The following MRNIP variants were observed in gnomAD, a reference collection of about 807,000 sequenced individuals.
The protein encoded by MRNIP is MRN complex-interacting protein.
MRNIP carries 30 observed loss-of-function variants against 29.8 expected under a neutral mutation model. That is an observed-to-expected ratio of 1.01 (90% CI 0.75 to 1.36). The LOEUF is 1.36. Ranked by LOEUF, MRNIP falls within the 40% of genes most tolerant of loss-of-function variation. The pLI, the probability that MRNIP is intolerant of heterozygous loss-of-function variation, is 0.00. For synonymous variants in MRNIP, 201 were observed against 164.1 expected, an observed-to-expected ratio of 1.23 and a Z score of -1.72; for missense variants, 459 against 423.5, an observed-to-expected ratio of 1.08 and a Z score of -0.74.
chr5:179,847,879 C>T, intron 3 of MRNIP, 99 bp downstream of exon 3: 1 of 844,846 alleles, frequency 1.2e-6, no homozygotes. Context: ...GGTCCAGCCA[C>T]AGCAGAGTGC....
intron 3 of MRNIP, chr5:179,847,770 C>T (rs924933324): frequency 1.1e-4 from 57 of 509,778 alleles, no homozygotes; most frequent in African/African-American, 1.6e-4. Context: ...AGAATCTCCT[C>T]GGGTGAAGCT....
intron 4 of MRNIP, among the ~76,000 whole-genome samples, chr5:179,842,789 G>A (rs1274279998): frequency 5.4e-5 from 8 of 149,288 alleles, no homozygotes; most frequent in East Asian, 2.0e-4. Flanking sequence ...CCCTAGCACC[G>A]TGGGAGGCTG....
Position 179,857,232 on chromosome 5 carries a change from G to A in MRNIP, c.66+1499C>T, listed in dbSNP as rs563097256. On this transcript the variant is annotated intron_variant, in intron 1 of 6. Coordinates refer to ENST00000292586, the MANE Select transcript of MRNIP (RefSeq NM_016175.4). ...AATCCCAGCACTTTCGGAGGCCGAG[G>A]CGGGCAGATCACGAGGTCAAGAGAT... Among the ~76,000 whole-genome samples, 70 of 152,278 alleles carry A rather than the reference G, an allele frequency of 4.6e-4. 1 individual carries two copies. The highest frequency in any genetic ancestry group is 1.3e-4 in the Non-Finnish European group (9 of 68,030).
intron 1 of MRNIP, among the ~76,000 whole-genome samples, chr5:179,855,762 T>C (rs759484624): frequency 2.2e-4 from 33 of 152,104 alleles, no homozygotes; most frequent in Non-Finnish European, 4.4e-4. Context: ...GGGGGAAGTA[T>C]CCAAAAGGAT....
At chr5:179,851,294 G>A (rs1206394985) in intron 2 of MRNIP, 1 of 456,116 alleles carries the variant, frequency 2.2e-6, no homozygotes, top group Middle Eastern at 3.3e-4. Flanking sequence ...GACTGGACCA[G>A]AGGTGGGCAT....
At chr5:179,858,632 T>G (rs1759704957) in intron 1 of MRNIP, 99 bp downstream of exon 1, 2 of 755,246 alleles carry the variant, frequency 2.6e-6, no homozygotes, top group South Asian at 3.8e-5. Flanking sequence ...TCGGGCCCGG[T>G]GCATCCCGGA....
intron 1 of MRNIP, among the ~76,000 whole-genome samples, chr5:179,856,318 T>A (rs1759579169): frequency 6.6e-6 from 1 of 152,188 alleles, no homozygotes; most frequent in Non-Finnish European, 1.5e-5. Context: ...AACCACTTGA[T>A]TCCCGTGTAT....
chr5:179,837,966 T>A, intron 6 of MRNIP, 81 bp from the exon 7 acceptor site: 4 of 1,353,738 alleles, frequency 3.0e-6, no homozygotes, highest in Non-Finnish European at 4.0e-6. Context: ...GCCTGGGCCT[T>A]GGCTGGGCCT....
rs780306150 is a variant in MRNIP, at chr5:179,848,055, T to C, written c.138A>G (p.Glu46=). The change falls in exon 3 of 7, where the codon GAA becomes GAG. Residue 46 remains glutamate (E), a synonymous_variant. Coordinates refer to ENST00000292586, the MANE Select transcript of MRNIP (RefSeq NM_016175.4). ...GGCGTCTACAATCAGCACCAGAGCC[T>C]TCACCATAAGCCTGAGAAACCAAAA... is the stretch of plus-strand genomic sequence containing the variant. ...EKQSFLQAYG[E]GSGADCRRHV... The C allele has an allele frequency of 6.2e-7, 1 of 1,613,846 alleles. No homozygotes were observed. The highest frequency in any genetic ancestry group is 1.3e-5 in the African/African-American group (1 of 75,024).
At chr5:179,858,406 CCT>C (rs1296325906) in intron 1 of MRNIP, among the ~76,000 whole-genome samples, 2 of 151,968 alleles carry the variant, frequency 1.3e-5, no homozygotes, top group Admixed American at 6.6e-5. Flanking sequence ...CCGTCCTCCC[CCT>C]CTCACTGAAA....
chr5:179,843,610 C>G (rs759402442), intron 4 of MRNIP, among the ~76,000 whole-genome samples: 18 of 151,998 alleles, frequency 1.2e-4, no homozygotes, highest in Non-Finnish European at 2.1e-4. Flanking sequence ...CGTGGTAGGG[C>G]ACAGTTGTAG....
chr5:179,837,442 T>C lies in MRNIP; in HGVS notation c.981A>G (p.Thr327=). ...LVLEAQNPRP[T]RLCDLFITGE... The stretch of plus-strand genomic sequence containing the variant: ...CAGTTATAAAGAGGTCACATAGTCG[T>C]GTGGGTCGAGGATTCTGTGCCTCCA... The change falls in exon 7 of 7, where the codon ACA becomes ACG. Residue 327 remains threonine (T), a synonymous_variant. Coordinates refer to ENST00000292586, the MANE Select transcript of MRNIP (RefSeq NM_016175.4). 1.2e-6 allele frequency: 2 copies of C among 1,610,824 alleles called. No individual in the cohort carries two copies. The highest frequency in any genetic ancestry group is 1.7e-6 in the Non-Finnish European group (2 of 1,177,970).
intron 3 of MRNIP, chr5:179,844,454 C>G (rs931490012): frequency 3.5e-5 from 16 of 455,332 alleles, no homozygotes; most frequent in Admixed American, 1.2e-4. Flanking sequence ...TGCAGTGAGC[C>G]AAGATTGCTG....
intron 3 of MRNIP, among the ~76,000 whole-genome samples, chr5:179,845,313 T>G (rs988504971): frequency 1.3e-5 from 2 of 151,974 alleles, no homozygotes; most frequent in Non-Finnish European, 2.9e-5. Context: ...GATTTCCAGC[T>G]AATTTTTGTA....
chr5:179,840,918 C>T lies in MRNIP; in HGVS notation c.491G>A (p.Gly164Asp), dbSNP rs1554092868. The T allele has an allele frequency of 6.2e-7, 1 of 1,610,324 alleles. No individual in the cohort carries two copies. Among genetic ancestry groups the T allele is most frequent in the Non-Finnish European group, 8.5e-7 (1 of 1,177,794 alleles). The change falls in exon 6 of 7, where the codon GGC becomes GAC. Residue 164 changes from glycine to aspartate, a missense_variant. Transcript: ENST00000292586. ...CTCAGAGCCACCCGAGTCCTGCACG[C>T]CACGGCTGCACGGAGGCTGGACGGT... ...RSTVQPPCSR[G>D]VQDSGGSEVA...
Position 179,844,226 on chromosome 5 carries a change from A to G in MRNIP, c.217T>C (p.Ser73Pro). ...QGQVSELPLRSLEETVSASEE... is the reference protein window; with the variant it reads ...QGQVSELPLRPLEETVSASEE... ...CTGGCACTGACAGTTTCTTCTAGAG[A>G]CCTTCAGGGAAGACCATACATATGC... Residue 73 changes from serine (S) to proline (P), a missense_variant and splice_region_variant, in exon 4 of 7, where the codon TCT becomes CCT. Ser to Pro is a moderately conservative substitution (Grantham distance 74). Coordinates refer to ENST00000292586, the MANE Select transcript of MRNIP (RefSeq NM_016175.4). 1 of 1,613,576 alleles carries G rather than the reference A, an allele frequency of 6.2e-7. No individual in the cohort carries two copies. Among genetic ancestry groups the G allele is most frequent in the Non-Finnish European group, 8.5e-7 (1 of 1,179,590 alleles).
At chr5:179,842,476 C>T (rs1159754265) in intron 4 of MRNIP, among the ~76,000 whole-genome samples, 1 of 145,790 alleles carries the variant, frequency 6.9e-6, no homozygotes, top group Non-Finnish European at 1.5e-5. Flanking sequence ...GTCAGGAGAT[C>T]GAGACCACCC....
intron 2 of MRNIP, among the ~76,000 whole-genome samples, chr5:179,848,914 G>A (rs1170936099): frequency 2.6e-5 from 4 of 152,350 alleles, no homozygotes; most frequent in East Asian, 1.9e-4. Context: ...GGCCAGCATC[G>A]CTGGAGCTGA....
chr5:179,848,130 T>C lies in MRNIP; in HGVS notation c.127-64A>G, dbSNP rs898209407. 2.4e-6 allele frequency: 3 copies of C among 1,225,136 alleles called. No individual in the cohort carries two copies. The African/African-American group carries it at 4.5e-5, about 18-fold the overall frequency. The allele number at this position is 1,225,136 out of a possible 1,614,324, so 75.9% of individuals were successfully genotyped here. A position where few individuals can be genotyped will look rare whatever the true frequency, so the allele number is the denominator to read the frequency against. ...GGCAGAATGCTGAGAAACAGATCCA[T>C]TTGAGATGCACCTCAGGGAGGACAA... On this transcript the variant is annotated intron_variant, in intron 2 of 6. Transcript: ENST00000292586.
Sources: gnomAD v4.1 joint callset for allele counts (sites outside exome capture counted in the v4.1 genomes callset) on GRCh38, gnomAD v4.1.1 for gene constraint, MANE v1.5 for transcripts, NCBI Gene and HGNC (gene_info 2026-07-23, HGNC 2026-07-21) for gene names.